The following PRDM6 variants were observed in gnomAD, a reference collection of about 807,000 sequenced individuals.
PRDM6 encodes PR/SET domain 6.
In PRDM6, 25 loss-of-function variants were observed where a neutral mutation model predicts 60.8. The ratio of observed to expected loss-of-function variants is 0.41; its 90% CI spans 0.30 to 0.57. The LOEUF is 0.57. Ranked by LOEUF, PRDM6 falls within the 20% of genes least tolerant of loss-of-function variation. The pLI, the probability that PRDM6 is intolerant of heterozygous loss-of-function variation, is 0.27. For synonymous variants in PRDM6, 407 were observed against 357.4 expected (o/e 1.14, Z -1.57); for missense variants, 839 against 821.3 (o/e 1.02, Z -0.26).
At chr5:123,089,826 G>A (rs978355673) in intron 1 of PRDM6, among the ~76,000 whole-genome samples, 174 bp from the exon 2 acceptor site, 6 of 152,200 alleles carry the variant, frequency 3.9e-5, no homozygotes, top group Admixed American at 2.0e-4. Context: ...GTGCGGCGCC[G>A]CAGCTTCGGA....
chr5:123,090,429 C>T lies in PRDM6; in HGVS notation c.415C>T (p.Leu139Phe), dbSNP rs1188944762. The T allele has an allele frequency of 2.8e-6, 4 of 1,453,560 alleles. No homozygotes were observed. The highest frequency in any genetic ancestry group is 2.6e-5 in the Admixed American group (1 of 37,820). The allele number at this position is 1,453,560 out of a possible 1,614,324, so 90.0% of individuals were successfully genotyped here. A position where few individuals can be genotyped will look rare whatever the true frequency, so the allele number is the denominator to read the frequency against. Reference protein sequence around the residue: ...AEPLPPKELCLGATSGPGPVK... With the variant: ...AEPLPPKELCFGATSGPGPVK... ...GCCGCTGCCCCCCAAGGAACTGTGC[C>T]TCGGCGCCACCTCCGGCCCCGGGCC... The change falls in exon 2 of 8, where the codon CTC (leucine) becomes TTC (phenylalanine). Residue 139 changes from leucine to phenylalanine, a missense_variant. By Grantham distance (22) the Leu-to-Phe change is conservative. Coordinates refer to ENST00000407847, the MANE Select transcript of PRDM6 (RefSeq NM_001136239.4).
chr5:123,110,115 T>G (rs995177547), intron 3 of PRDM6, among the ~76,000 whole-genome samples: 3 of 152,212 alleles, frequency 2.0e-5, no homozygotes, highest in Admixed American at 1.3e-4. Context: ...TATGTCACTG[T>G]TGACCCTGTG....
intron 2 of PRDM6, among the ~76,000 whole-genome samples, chr5:123,094,808 T>A (rs1318949510): frequency 1.3e-5 from 2 of 152,190 alleles, no homozygotes; most frequent in Non-Finnish European, 2.9e-5. Context: ...GCGAGGTTTA[T>A]CTCTGCGCAA....
Position 123,180,278 on chromosome 5 carries a change from C to T in PRDM6, c.1628C>T (p.Thr543Ile). 1 of 1,551,710 alleles carries T rather than the reference C, an allele frequency of 6.4e-7. No homozygotes were observed. Among genetic ancestry groups the T allele is most frequent in the Non-Finnish European group, 8.7e-7 (1 of 1,146,968 alleles). Residue 543 changes from threonine to isoleucine, a missense_variant, in exon 7 of 8, where the codon ACC becomes ATC. Physicochemically the swap from Thr to Ile is moderately conservative, Grantham distance 89. This residue lies in a region of PRDM6 where 109 missense variants were observed against 172.6 expected (regional missense o/e 0.63). Coordinates refer to ENST00000407847, the MANE Select transcript of PRDM6 (RefSeq NM_001136239.4). ...YCGRAFAGAT[T>I]LNNHIRTHTG... ...GGTCGTGCCTTTGCCGGGGCCACCA[C>T]CCTCAACAACCACATCCGAACCCAC...
intron 3 of PRDM6, among the ~76,000 whole-genome samples, chr5:123,145,881 A>G (rs973662688): frequency 4.6e-5 from 7 of 152,226 alleles, no homozygotes; most frequent in Non-Finnish European, 8.8e-5. Context: ...CAGCAAAGAA[A>G]TAAAGCTGTT....
intron 6 of PRDM6, among the ~76,000 whole-genome samples, chr5:123,171,415 T>A (rs1421829059): frequency 1.3e-5 from 2 of 152,162 alleles, no homozygotes; most frequent in Non-Finnish European, 2.9e-5. Context: ...TCAGGATAAT[T>A]AGAATCTTCT....
At chr5:123,128,620 GT>G (rs1251552778) in intron 3 of PRDM6, among the ~76,000 whole-genome samples, 1 of 152,112 alleles carries the variant, frequency 6.6e-6, no homozygotes, top group Non-Finnish European at 1.5e-5. Context: ...GGGATTGTTT[GT>G]TTTTTTCTTG....
intron 3 of PRDM6, among the ~76,000 whole-genome samples, chr5:123,108,516 A>G (rs1319634185): frequency 6.6e-6 from 1 of 152,182 alleles, no homozygotes; most frequent in Non-Finnish European, 1.5e-5. Flanking sequence ...TAATATTAAA[A>G]TTTATTTATG....
chr5:123,182,006 C>T (rs568357775), intron 7 of PRDM6, among the ~76,000 whole-genome samples: 4 of 152,176 alleles, frequency 2.6e-5, no homozygotes, highest in African/African-American at 4.8e-5. Context: ...ATTTTTGTTG[C>T]GGTACATAGG....
chr5:123,165,672 C>T (rs1411335996), intron 5 of PRDM6, among the ~76,000 whole-genome samples: 1 of 152,208 alleles, frequency 6.6e-6, no homozygotes, highest in Non-Finnish European at 1.5e-5. Flanking sequence ...GTAATGTTGG[C>T]AGATTCTCAG....
At chr5:123,095,150 C>T (rs1415001620) in intron 2 of PRDM6, among the ~76,000 whole-genome samples, 2 of 152,220 alleles carry the variant, frequency 1.3e-5, no homozygotes, top group South Asian at 2.1e-4. Flanking sequence ...CTTCTAGACC[C>T]GCTCCCGGGG....
chr5:123,122,164 CAAAAAAAA>C (rs138619125), intron 3 of PRDM6, among the ~76,000 whole-genome samples: 2 of 98,924 alleles, frequency 2.0e-5, no homozygotes, highest in Non-Finnish European at 3.7e-5. Flanking sequence ...CTCCATCTGA[CAAAAAAAA>C]AAAAAAAAAA....
intron 5 of PRDM6, among the ~76,000 whole-genome samples, chr5:123,166,195 T>C (rs936572102): frequency 6.6e-6 from 1 of 152,174 alleles, no homozygotes; most frequent in Admixed American, 6.5e-5. Flanking sequence ...TCTGGCCACA[T>C]TGCCTTTTTT....
chr5:123,168,309 A>T (rs1447082512), intron 5 of PRDM6, among the ~76,000 whole-genome samples: 1 of 152,230 alleles, frequency 6.6e-6, no homozygotes, highest in Admixed American at 6.5e-5. Flanking sequence ...TATAATACAC[A>T]CAAAACAATG....
chr5:123,156,104 C>G, intron 4 of PRDM6, 93 bp downstream of exon 4: 2 of 1,254,508 alleles, frequency 1.6e-6, no homozygotes, highest in Non-Finnish European at 1.1e-6. Flanking sequence ...AAAAAAAATC[C>G]TGCAGAACTC....
intron 3 of PRDM6, among the ~76,000 whole-genome samples, chr5:123,119,615 G>A (rs1307199759): frequency 6.6e-6 from 1 of 152,156 alleles, no homozygotes; most frequent in Non-Finnish European, 1.5e-5. Flanking sequence ...CAGGGTCGGG[G>A]ACTATGAGGA....
At chr5:123,143,158 T>TGTGTGTGTGTGTGTGTGC (rs1765157299) in intron 3 of PRDM6, among the ~76,000 whole-genome samples, 1 of 148,286 alleles carries the variant, frequency 6.7e-6, no homozygotes, top group Non-Finnish European at 1.5e-5. Context: ...AGTGTGTGTG[T>TGTGTGTGTGTGTGTGTGC]GTGTGTGTGT....
chr5:123,132,732 TAG>T (rs67499377), intron 3 of PRDM6, among the ~76,000 whole-genome samples: 48,738 of 151,896 alleles, frequency 0.32, 8,202 homozygotes, highest in Middle Eastern at 0.36. Context: ...CAATATCGCT[TAG>T]AAGCACCTTC....
Position 123,142,035 on chromosome 5 carries a change from AAC to A in PRDM6, c.901-13847_901-13846del, listed in dbSNP as rs146743736. 1.4e-3 allele frequency among the ~76,000 whole-genome samples: 211 copies of A among 152,270 alleles called. 1 individual carries two copies. Among genetic ancestry groups the A allele is most frequent in the African/African-American group, 4.9e-3 (203 of 41,568 alleles). ...GGACTTTTAGAAAATACATCTTTTT[AAC>A]AGTTTATTCTTGACTCAACGGCTCG... is the stretch of plus-strand genomic sequence containing the variant. On this transcript the variant is annotated intron_variant, in intron 3 of 7. Transcript: ENST00000407847.
Sources: gnomAD v4.1 joint callset for allele counts (sites outside exome capture counted in the v4.1 genomes callset) on GRCh38, gnomAD v4.1.1 for gene constraint, gnomAD v4.1.1 regional missense constraint, MANE v1.5 for transcripts, NCBI Gene and HGNC (gene_info 2026-07-23, HGNC 2026-07-21) for gene names.